ABL1: variants seen among roughly 807,000 people sequenced by gnomAD.
The protein encoded by ABL1 is ABL proto-oncogene 1, non-receptor tyrosine kinase.
A neutral mutation model predicts 94.7 loss-of-function variants in ABL1; 11 were observed. The observed-to-expected ratio is 0.12, with a 90% CI of 0.07 to 0.19. The LOEUF (loss-of-function observed/expected upper bound fraction) is 0.19. Among genes scored for constraint, ABL1 ranks in the 10% least tolerant of loss-of-function variants. ABL1 has a pLI of 1.00. For missense variants in ABL1, 1,082 were observed against 1,489.4 expected (o/e 0.73, Z 4.50); for synonymous variants, 656 against 622.4 (o/e 1.05, Z -0.80).
chr9:130,796,511 G>T (rs1313918794), intron 1 of ABL1, among the ~76,000 whole-genome samples: 3 of 152,102 alleles, frequency 2.0e-5, no homozygotes, highest in African/African-American at 7.2e-5. Flanking sequence ...GAGAAACAGT[G>T]ATTCATTTGT....
intron 1 of ABL1, among the ~76,000 whole-genome samples, chr9:130,716,072 CTTTTTTTTTTTTTTTT>C (rs71389339): frequency 1.7e-3 from 159 of 91,206 alleles, no homozygotes; most frequent in African/African-American, 4.3e-3. Context: ...GAAAAATGTC[CTTTTTTTTTTTTTTTT>C]TTTTTTTTTT....
At chr9:130,725,599 C>T (rs1329324006) in intron 1 of ABL1, among the ~76,000 whole-genome samples, 1 of 151,954 alleles carries the variant, frequency 6.6e-6, no homozygotes, top group East Asian at 1.9e-4. Context: ...AGGCTGGTCT[C>T]GAACTCCTGA....
chr9:130,731,589 G>A (rs887568505), intron 1 of ABL1, among the ~76,000 whole-genome samples: 18 of 150,638 alleles, frequency 1.2e-4, no homozygotes, highest in African/African-American at 4.4e-4. Context: ...ATGTACGTGT[G>A]GATCTGCTGG....
intron 1 of ABL1, among the ~76,000 whole-genome samples, chr9:130,749,259 T>C (rs1272855740): frequency 6.6e-6 from 1 of 152,158 alleles, no homozygotes; most frequent in Non-Finnish European, 1.5e-5. Context: ...TATTTGAGAA[T>C]TAAAAACCTC....
rs1365786309 is a variant in ABL1, at chr9:130,854,864, A to G, written c.317A>G (p.Asn106Ser). Residue 106 changes from asparagine (N) to serine (S), a missense_variant, in exon 3 of 11, where the codon AAT becomes AGT. Asn to Ser is a conservative substitution (Grantham distance 46). This residue lies in a region of ABL1 where 47 missense variants were observed against 142.2 expected (regional missense o/e 0.33). Coordinates refer to ENST00000318560, the MANE Select transcript of ABL1 (RefSeq NM_005157.6). ...NGEWCEAQTK[N>S]GQGWVPSNYI... ...GAATGGTGTGAAGCCCAAACCAAAAATGGCCAAGGCTGGGTCCCAAGCAAC... is the reference window on the plus strand; with the variant it reads ...GAATGGTGTGAAGCCCAAACCAAAAGTGGCCAAGGCTGGGTCCCAAGCAAC... The G allele has an allele frequency of 6.2e-7, 1 of 1,614,080 alleles. No homozygotes were observed.
At position 130,716,072 on chromosome 9, in the gene ABL1, CTTTTTTTTTTTTT is replaced by C. The variant is rs71389339; in HGVS notation, c.136+1637_136+1649del. 3.1e-4 allele frequency among the ~76,000 whole-genome samples: 28 copies of C among 91,218 alleles called. No individual in the cohort carries two copies. In the East Asian group the frequency reaches 3.9e-3, roughly 13 times the overall value. 59.8% of individuals were successfully genotyped at this position (91,218 alleles called of 152,430 possible). ...TATCCACTTTTCACTGAAAAATGTC[CTTTTTTTTTTTTT>C]TTTTTTTTTTTTTTTTTTTGAGTCA... On this transcript the variant is annotated intron_variant, in intron 1 of 10. Coordinates refer to the ABL1 transcript ENST00000372348.
At chr9:130,799,153 G>A (rs1411562483) in intron 1 of ABL1, among the ~76,000 whole-genome samples, 4 of 152,102 alleles carry the variant, frequency 2.6e-5, no homozygotes, top group African/African-American at 7.2e-5. Flanking sequence ...AAGGTGCCAT[G>A]AGAAAAGGAG....
chr9:130,834,922 C>G (rs774468369), upstream of ABL1: 1 of 455,862 alleles, frequency 2.2e-6, no homozygotes, highest in African/African-American at 2.0e-5. Flanking sequence ...GGGAAACTCG[C>G]CAAAAGCGGT....
In ABL1 at chr9:130,852,301, T is replaced by C. The variant is rs1299426713; in HGVS notation, c.80-1763T>C. Among the ~76,000 whole-genome samples the C allele has an allele frequency of 2.0e-5, 3 of 152,068 alleles. 1 individual carries two copies. In the South Asian group the frequency reaches 6.2e-4, roughly 32 times the overall value. On this transcript the variant is annotated intron_variant, in intron 1 of 10. Transcript: ENST00000318560. The stretch of plus-strand genomic sequence containing the variant: ...GCCTCCCAGACTCAAGCGATTCTCC[T>C]ACCTCAGCCTCCTGAGTAGCTGGGA...
intron 1 of ABL1, among the ~76,000 whole-genome samples, chr9:130,781,661 A>G (rs1341230023): frequency 1.3e-5 from 2 of 152,208 alleles, no homozygotes; most frequent in African/African-American, 4.8e-5. Context: ...TATGTCTTTT[A>G]TATTACCAGA....
chr9:130,716,428 G>A (rs1159407043), intron 1 of ABL1, among the ~76,000 whole-genome samples: 1 of 151,996 alleles, frequency 6.6e-6, no homozygotes, highest in Non-Finnish European at 1.5e-5. Flanking sequence ...TGATGAAGCA[G>A]CAAAAATTAT....
chr9:130,864,732 C>A (rs1340963081), intron 4 of ABL1, among the ~76,000 whole-genome samples: 1 of 152,064 alleles, frequency 6.6e-6, no homozygotes, highest in Non-Finnish European at 1.5e-5. Context: ...AGGGGGTGAA[C>A]GAAGGAGGGA....
chr9:130,767,745 G>T (rs1458955293), intron 1 of ABL1, among the ~76,000 whole-genome samples: 1 of 152,226 alleles, frequency 6.6e-6, no homozygotes, highest in Non-Finnish European at 1.5e-5. Flanking sequence ...GAAGTAAAGT[G>T]CACGTGTGCA....
intron 1 of ABL1, among the ~76,000 whole-genome samples, chr9:130,749,140 A>G (rs1365531520): frequency 6.6e-6 from 1 of 152,056 alleles, no homozygotes; most frequent in Non-Finnish European, 1.5e-5. Context: ...AGTGGTTTAT[A>G]GTAATACATT....
intron 1 of ABL1, among the ~76,000 whole-genome samples, chr9:130,824,635 C>G (rs899635600): frequency 6.6e-6 from 1 of 152,058 alleles, no homozygotes; most frequent in Non-Finnish European, 1.5e-5. Context: ...GGCACCAGCT[C>G]GTAGGAGGGG....
intron 1 of ABL1, among the ~76,000 whole-genome samples, chr9:130,778,384 A>G (rs1829698661): frequency 6.6e-6 from 1 of 152,258 alleles, no homozygotes; most frequent in Non-Finnish European, 1.5e-5. Context: ...ACACTGACAC[A>G]CTGCATTAAT....
rs186214160 is a variant in ABL1, at chr9:130,781,702, G to A, written c.136+67247G>A. Among the ~76,000 whole-genome samples the A allele has an allele frequency of 1.1e-4, 17 of 152,148 alleles. No individual in the cohort carries two copies. In the East Asian group the frequency reaches 3.3e-3, roughly 29 times the overall value. ...CAGCTGCATTATTATCTATTAGTGT[G>A]TACTAAAAGTATATTATTTTGGCTT... On this transcript the variant is annotated intron_variant, in intron 1 of 10. Coordinates refer to the ABL1 transcript ENST00000372348.
At chr9:130,767,075 G>A (rs1210756461) in intron 1 of ABL1, among the ~76,000 whole-genome samples, 2 of 152,042 alleles carry the variant, frequency 1.3e-5, no homozygotes, top group Non-Finnish European at 2.9e-5. Flanking sequence ...AGCTTCTGGT[G>A]CCTGGCTCTT....
In ABL1 at chr9:130,855,284, T is replaced by C. The variant is rs1416205340; in HGVS notation, c.549+188T>C. Among the ~76,000 whole-genome samples, 17 of 152,222 alleles carry C rather than the reference T, an allele frequency of 1.1e-4. No homozygotes were observed. In the South Asian group the frequency reaches 3.5e-3, roughly 32 times the overall value. ...AGGATCCGTTCTGTGATATTACAAGTTCCTGGGACTGGTATGATTCTCTTA... is the reference window on the plus strand; with the variant it reads ...AGGATCCGTTCTGTGATATTACAAGCTCCTGGGACTGGTATGATTCTCTTA... On this transcript the variant is annotated intron_variant, in intron 3 of 10. Transcript: ENST00000318560.
Sources: gnomAD v4.1 joint callset for allele counts (sites outside exome capture counted in the v4.1 genomes callset) on GRCh38, gnomAD v4.1.1 for gene constraint, gnomAD v4.1.1 regional missense constraint, MANE v1.5 for transcripts, NCBI Gene and HGNC (gene_info 2026-07-23, HGNC 2026-07-21) for gene names.